The following ZNF600 variants were observed in gnomAD, a reference collection of about 807,000 sequenced individuals.
ZNF600 encodes the protein zinc finger protein 600, also known as zinc finger protein KR-ZNF1.
Under a neutral mutation model 7.3 loss-of-function variants are expected in ZNF600, and 4 were observed. The ratio of observed to expected loss-of-function variants is 0.55; its 90% confidence interval spans 0.27 to 1.25. The LOEUF is 1.25. ZNF600 is among the 50% of genes most tolerant of loss of function. The pLI, the probability that ZNF600 is intolerant of heterozygous loss-of-function variation, is 0.12. For missense variants in ZNF600, 911 were observed against 922.1 expected (o/e 0.99, Z 0.16); for synonymous variants, 290 against 308.9 (o/e 0.94, Z 0.64).
At chr19:52,807,569 G>C in the ZNF600 span, among the ~76,000 whole-genome samples, 5 of 152,140 alleles carry the variant, frequency 3.3e-5, no homozygotes, top group African/African-American at 1.2e-4. Context: ...TGGCCTCCTG[G>C]GTTCAAGTAA....
the ZNF600 span, among the ~76,000 whole-genome samples, chr19:52,793,063 G>A: frequency 5.9e-5 from 9 of 152,050 alleles, no homozygotes; most frequent in Non-Finnish European, 1.2e-4. Context: ...ACACTTTAAC[G>A]TCAATTAATG....
chr19:52,776,112 A>G, intron 2 of ZNF600, among the ~76,000 whole-genome samples: 1 of 138,332 alleles, frequency 7.2e-6, no homozygotes, highest in African/African-American at 2.8e-5. Context: ...GTCTTAAGCC[A>G]TAAAATAACA....
chr19:52,787,870 AAGAAAAAG>A (rs1289570269), upstream of ZNF600, among the ~76,000 whole-genome samples: 13 of 103,610 alleles, frequency 1.3e-4, no homozygotes, highest in South Asian at 2.5e-4. Flanking sequence ...AAAAAAAAAA[AAGAAAAAG>A]AAAAAGAAAA....
At chr19:52,813,492 G>T in the ZNF600 span, among the ~76,000 whole-genome samples, 6 of 116,400 alleles carry the variant, frequency 5.2e-5, no homozygotes, top group East Asian at 2.6e-4. Context: ...GTGGTAGGAG[G>T]TTTTTTTTTT....
chr19:52,809,237 C>G, the ZNF600 span, among the ~76,000 whole-genome samples: 23 of 152,122 alleles, frequency 1.5e-4, no homozygotes, highest in Non-Finnish European at 2.5e-4. Flanking sequence ...GAGGAATGTT[C>G]AGATATCTGT....
At chr19:52,786,713 A>C in exon 1 of ZNF600, 1 of 355,800 alleles carries the variant, frequency 2.8e-6, no homozygotes. Context: ...ACTTAATCCA[A>C]GGCAGAGCAA....
intron 3 of ZNF600, among the ~76,000 whole-genome samples, chr19:52,768,092 C>T (rs1291569648): frequency 6.6e-6 from 1 of 151,552 alleles, no homozygotes; most frequent in Non-Finnish European, 1.5e-5. Flanking sequence ...ATCACTGTCA[C>T]ATCAATGAAG....
chr19:52,824,180 AC>A, the ZNF600 span, among the ~76,000 whole-genome samples: 1 of 152,038 alleles, frequency 6.6e-6, no homozygotes, highest in African/African-American at 2.4e-5. Flanking sequence ...AAAACAAAAA[AC>A]AAAAAAAACA....
chr19:52,769,360 A>C (rs1382987042), intron 3 of ZNF600, among the ~76,000 whole-genome samples: 1 of 152,178 alleles, frequency 6.6e-6, no homozygotes, highest in Non-Finnish European at 1.5e-5. Flanking sequence ...TCTAGATAAC[A>C]GTAGCAAAAT....
the ZNF600 span, among the ~76,000 whole-genome samples, chr19:52,793,659 C>T: frequency 2.0e-4 from 30 of 151,676 alleles, no homozygotes; most frequent in African/African-American, 6.1e-4. Flanking sequence ...CCCAGCTACT[C>T]GGGGGGCAGA....
chr19:52,788,510 G>T (rs1035853862), upstream of ZNF600, among the ~76,000 whole-genome samples: 1 of 152,126 alleles, frequency 6.6e-6, no homozygotes, highest in Non-Finnish European at 1.5e-5. Flanking sequence ...ACCTCACCAG[G>T]GATAAAGATG....
chr19:52,768,622 T>G (rs1329133906), intron 3 of ZNF600, among the ~76,000 whole-genome samples: 1 of 151,986 alleles, frequency 6.6e-6, no homozygotes, highest in East Asian at 1.9e-4. Context: ...CTCAGCTCAC[T>G]GCAACCTCTG....
At chr19:52,822,155 C>T in the ZNF600 span, among the ~76,000 whole-genome samples, 1 of 140,748 alleles carries the variant, frequency 7.1e-6, no homozygotes, top group Non-Finnish European at 1.5e-5. Flanking sequence ...TCACTGCAGC[C>T]TCTGCCTCCT....
At chr19:52,821,160 G>A in the ZNF600 span, among the ~76,000 whole-genome samples, 1 of 151,180 alleles carries the variant, frequency 6.6e-6, no homozygotes, top group Admixed American at 6.6e-5. Flanking sequence ...TTCGGACAAG[G>A]GTGGGATCCG....
chr19:52,768,895 T>G (rs2062610129), intron 3 of ZNF600, among the ~76,000 whole-genome samples: 1 of 152,196 alleles, frequency 6.6e-6, no homozygotes, highest in Non-Finnish European at 1.5e-5. Flanking sequence ...CAATTACTCT[T>G]TATTCCAATA....
chr19:52,768,115 A>T (rs1269818357), intron 3 of ZNF600, among the ~76,000 whole-genome samples: 4 of 151,974 alleles, frequency 2.6e-5, no homozygotes, highest in Non-Finnish European at 4.4e-5. Flanking sequence ...AAAAATATAT[A>T]TTTTTCATAT....
the ZNF600 span, among the ~76,000 whole-genome samples, chr19:52,827,243 TAAAAAC>T: frequency 1.4e-5 from 1 of 69,282 alleles, no homozygotes. Flanking sequence ...ACCCTGTCTC[TAAAAAC>T]AAAAAAAAAA....
chr19:52,775,011 G>A (rs1568630088), intron 2 of ZNF600, among the ~76,000 whole-genome samples: 1 of 152,076 alleles, frequency 6.6e-6, no homozygotes, highest in Non-Finnish European at 1.5e-5. Flanking sequence ...AGGCCAAGGC[G>A]GGCAGATTAT....
At chr19:52,801,576 A>G in the ZNF600 span, 2 of 1,613,920 alleles carry the variant, frequency 1.2e-6, no homozygotes, top group Non-Finnish European at 1.7e-6. Context: ...GTCTTTCTCA[A>G]TTTTCTGGAA....
Sources: allele counts gnomAD v4.1 joint callset (sites outside exome capture counted in the v4.1 genomes callset), GRCh38; gene constraint gnomAD v4.1.1; transcripts MANE v1.5; gene names NCBI Gene and HGNC (gene_info 2026-07-23, HGNC 2026-07-21).